Variants in HAUS4 observed in about 807,000 individuals in gnomAD.
HAUS4 encodes the protein HAUS augmin-like complex subunit 4.
HAUS4 carries 34 observed loss-of-function variants against 50.6 expected under a neutral mutation model. The ratio of observed to expected loss-of-function variants is 0.67; its 90% CI spans 0.51 to 0.90. The LOEUF (loss-of-function observed/expected upper bound fraction) is 0.90. Ranked by LOEUF, HAUS4 falls within the 40% of genes least tolerant of loss-of-function variation. HAUS4 has a pLI of 0.00. For synonymous variants in HAUS4, 149 were observed against 161.4 expected (o/e 0.92, Z 0.58); for missense variants, 370 against 428.7 (o/e 0.86, Z 1.21).
Position 22,947,718 on chromosome 14 carries a change from C to G in HAUS4, c.722G>C (p.Cys241Ser). The G allele has an allele frequency of 6.2e-7, 1 of 1,614,040 alleles. No homozygotes were observed. The highest frequency in any genetic ancestry group is 1.1e-5 in the South Asian group (1 of 91,072). ...AAGAAGCCTCTGCAGCAAAGTGAGG[C>G]AGCGGAGAAGCACCTGAGCCCAAGA... ...SAAYSQVLLR[C>S]LTLLQRLLQE... Residue 241 changes from cysteine to serine, a missense_variant, in exon 8 of 10, where the codon TGC becomes TCC. Physicochemically the swap from Cys to Ser is moderately radical, Grantham distance 112. Transcript: ENST00000541587.
At position 22,947,596 on chromosome 14, in the gene HAUS4, C is replaced by T; in HGVS notation, c.839+5G>A. 1 of 1,614,034 alleles carries T rather than the reference C, an allele frequency of 6.2e-7. No individual in the cohort carries two copies. Among genetic ancestry groups the T allele is most frequent in the Non-Finnish European group, 8.5e-7 (1 of 1,179,976 alleles). On this transcript the variant is annotated splice_donor_5th_base_variant and intron_variant, in intron 8 of 9. Transcript: ENST00000541587. The stretch of plus-strand genomic sequence containing the variant: ...CCCTTAAGATCCACAGGGGTCACAG[C>T]TCACCTCAGCTTAAGGATCATAGCA...
At position 22,947,521 on chromosome 14, in the gene HAUS4, A is replaced by T. The variant is rs2044666491; in HGVS notation, c.839+80T>A. 4.1e-6 allele frequency: 6 copies of T among 1,475,160 alleles called. No homozygotes were observed. In the South Asian group the frequency reaches 6.0e-5, roughly 15 times the overall value. 91.4% of individuals were successfully genotyped at this position (1,475,160 alleles called of 1,614,324 possible). A position where few individuals can be genotyped will look rare whatever the true frequency, so the allele number is the denominator to read the frequency against. Reference sequence around the variant, plus strand: ...CCCACAAGGCGCTAGGATAAGGGAGAGGAAAGAGATTAGGGTAAGGGATAG... The same window carrying T: ...CCCACAAGGCGCTAGGATAAGGGAGTGGAAAGAGATTAGGGTAAGGGATAG... On this transcript the variant is annotated intron_variant, in intron 8 of 9. Transcript: ENST00000541587.
intron 1 of HAUS4, chr14:22,955,390 T>C (rs542138526): frequency 1.8e-6 from 1 of 566,122 alleles, no homozygotes. Context: ...ACATGTCACA[T>C]TCTAAGCACA....
chr14:22,950,590 T>A (rs1248756296), intron 5 of HAUS4, among the ~76,000 whole-genome samples, 180 bp from the exon 6 acceptor site: 3 of 152,204 alleles, frequency 2.0e-5, no homozygotes, highest in African/African-American at 7.2e-5. Context: ...CAAGACCCCA[T>A]GTTGGTGAGA....
In HAUS4 at chr14:22,952,323, C is replaced by T. The variant is rs1289325276; in HGVS notation, c.330+5G>A. 1.2e-6 allele frequency: 2 copies of T among 1,613,210 alleles called. No individual in the cohort carries two copies. The highest frequency in any genetic ancestry group is 1.7e-6 in the Non-Finnish European group (2 of 1,179,504). On this transcript the variant is annotated splice_donor_5th_base_variant and intron_variant, in intron 4 of 9. Coordinates refer to ENST00000541587, the MANE Select transcript of HAUS4 (RefSeq NM_001166269.2). The stretch of plus-strand genomic sequence containing the variant: ...GTTAGCCACCACGCCCAGCCTTTGC[C>T]TCACCTTTTTGTCCTCAGAAGTTAC...
In HAUS4 at chr14:22,955,179, G is replaced by A; in HGVS notation, c.-22-3C>T. 6.4e-7 allele frequency: 1 copy of A among 1,566,172 alleles called. No individual in the cohort carries two copies. The highest frequency in any genetic ancestry group is 1.1e-5 in the South Asian group (1 of 90,096). On this transcript the variant is annotated splice_polypyrimidine_tract_variant and splice_region_variant and intron_variant, in intron 1 of 9. Transcript: ENST00000541587. Reference sequence around the variant, plus strand: ...TTTGATTTTCTTGGGATTCTAATCTGTGGAACCAAGAAGTGAAAGAAAACA... The same window carrying A: ...TTTGATTTTCTTGGGATTCTAATCTATGGAACCAAGAAGTGAAAGAAAACA...
chr14:22,947,263 T>A (rs747443634), intron 8 of HAUS4, 24 bp from the exon 9 acceptor site: 1 of 1,536,204 alleles, frequency 6.5e-7, no homozygotes, highest in South Asian at 1.1e-5. Context: ...GAAAGAAATG[T>A]CAAGGCAGGA....
chr14:22,950,270 A>G, intron 6 of HAUS4, 44 bp downstream of exon 6: 4 of 1,063,628 alleles, frequency 3.8e-6, no homozygotes, highest in Non-Finnish European at 5.8e-6. Context: ...CAGACCAGGA[A>G]CCCTGAAGTC....
At position 22,946,461 on chromosome 14, in the gene HAUS4, C is replaced by CA. The variant is rs1391227165; in HGVS notation, c.*63dup. The stretch of plus-strand genomic sequence containing the variant: ...AGGCAGCCCCAGGTGAAGGTGGTCC[C>CA]ACTAGCAGGAAGATTAGGAGGCAGC... On this transcript the variant is annotated 3_prime_UTR_variant, in exon 10 of 10. Transcript: ENST00000541587. 3 of 1,359,342 alleles carry CA rather than the reference C, an allele frequency of 2.2e-6. No individual in the cohort carries two copies. The highest frequency in any genetic ancestry group is 2.0e-5 in the Admixed American group (1 of 50,080). 84.2% of individuals were successfully genotyped at this position (1,359,342 alleles called of 1,614,324 possible).
intron 1 of HAUS4, chr14:22,955,491 A>T: frequency 4.4e-6 from 1 of 225,294 alleles, no homozygotes; most frequent in Non-Finnish European, 8.7e-6. Flanking sequence ...AGGATTCTCC[A>T]CCACCACCAC....
In HAUS4 at chr14:22,950,444, T is replaced by C. The variant is rs778799125; in HGVS notation, c.466-34A>G. On this transcript the variant is annotated intron_variant, in intron 5 of 9. Coordinates refer to ENST00000541587, the MANE Select transcript of HAUS4 (RefSeq NM_001166269.2). ...ATAGAAGTAAAGGCAGAAATGCGAA[T>C]AGACTGTAAAAACTAGGACGTCTCA... The C allele has an allele frequency of 7.4e-6, 10 of 1,355,336 alleles. No individual in the cohort carries two copies. The Middle Eastern group carries it at 5.4e-4, about 73-fold the overall frequency. 84.0% of individuals were successfully genotyped at this position (1,355,336 alleles called of 1,614,324 possible).
chr14:22,956,354 G>A (rs1473393977), intron 1 of HAUS4, among the ~76,000 whole-genome samples: 1 of 152,166 alleles, frequency 6.6e-6, no homozygotes, highest in East Asian at 1.9e-4. Flanking sequence ...GTCAACAAAA[G>A]CCACTACTTA....
intron 6 of HAUS4, among the ~76,000 whole-genome samples, chr14:22,948,496 A>G (rs993900461): frequency 2.0e-5 from 3 of 151,038 alleles, no homozygotes; most frequent in Non-Finnish European, 3.0e-5. Flanking sequence ...TATTAAATAA[A>G]TTATCTTCAC....
In HAUS4 at chr14:22,956,495, C is replaced by A. The variant is rs766796281; in HGVS notation, c.-23+421G>T. ...CCAAAAAGCTAGCTGTTCGTCCCCC[C>A]CTAGGGTAAGTGTCCCCTTGCGTTT... On this transcript the variant is annotated intron_variant, in intron 1 of 9. Transcript: ENST00000541587. 8.8e-4 allele frequency among the ~76,000 whole-genome samples: 133 copies of A among 151,734 alleles called. 1 individual carries two copies. The highest frequency in any genetic ancestry group is 2.6e-4 in the Non-Finnish European group (18 of 68,028).
In HAUS4 at chr14:22,947,733, T is replaced by A; in HGVS notation, c.709-2A>T. ...CAAAGTGAGGCAGCGGAGAAGCACC[T>A]GAGCCCAAGATGGAGGAAGAAGAGG... On this transcript the variant is annotated splice_acceptor_variant, in intron 7 of 9. Coordinates refer to ENST00000541587, the MANE Select transcript of HAUS4 (RefSeq NM_001166269.2). LOFTEE classifies it high-confidence loss of function. 1 of 1,614,052 alleles carries A rather than the reference T, an allele frequency of 6.2e-7. No individual in the cohort carries two copies. Among genetic ancestry groups the A allele is most frequent in the Admixed American group, 1.7e-5 (1 of 60,016 alleles).
chr14:22,950,444 TAG>T, intron 5 of HAUS4, 34 bp from the exon 6 acceptor site: 3 of 1,355,454 alleles, frequency 2.2e-6, no homozygotes, highest in Non-Finnish European at 3.2e-6. Flanking sequence ...GAAATGCGAA[TAG>T]ACTGTAAAAA....
chr14:22,948,042 A>G, intron 6 of HAUS4, 29 bp from the exon 7 acceptor site: 1 of 1,576,472 alleles, frequency 6.3e-7, no homozygotes, highest in Non-Finnish European at 8.6e-7. Context: ...GACTGACAGG[A>G]AAACCCTAAT....
rs1341021489 is a variant in HAUS4, at chr14:22,950,345, G to A, written c.531C>T (p.Phe177=). ...EVEEQLKKKC[F]TLLCYYDPNS... ...TGGGATCATAGTAGCAGAGCAGAGT[G>A]AAACATTTCTTTTTGAGCTGCTCCT... The change falls in exon 6 of 10, where the codon TTC becomes TTT. Residue 177 remains phenylalanine (F), a synonymous_variant. Coordinates refer to ENST00000541587, the MANE Select transcript of HAUS4 (RefSeq NM_001166269.2). 2 of 1,611,844 alleles carry A rather than the reference G, an allele frequency of 1.2e-6. No homozygotes were observed. The highest frequency in any genetic ancestry group is 1.7e-5 in the Admixed American group (1 of 59,982).
chr14:22,954,341 A>G (rs2044819240), intron 2 of HAUS4: 1 of 152,204 alleles, frequency 6.6e-6, no homozygotes, highest in African/African-American at 2.4e-5. Flanking sequence ...GTACTGAAGC[A>G]TCCAATATGG....
Sources: gnomAD v4.1 joint callset for allele counts (sites outside exome capture counted in the v4.1 genomes callset) on GRCh38, gnomAD v4.1.1 for gene constraint, MANE v1.5 for transcripts, NCBI Gene and HGNC (gene_info 2026-07-23, HGNC 2026-07-21) for gene names.